ZFHX3: variants seen among roughly 807,000 people sequenced by gnomAD.
The protein encoded by ZFHX3 is zinc finger homeobox 3, also known as zinc finger homeobox protein 3.
A neutral mutation model predicts 279.1 loss-of-function variants in ZFHX3; 42 were observed. The observed-to-expected ratio is 0.15, with a 90% CI of 0.12 to 0.19. The LOEUF (loss-of-function observed/expected upper bound fraction) is 0.19. ZFHX3 is among the 10% of genes least tolerant of loss of function. The pLI, the probability that ZFHX3 is intolerant of heterozygous loss-of-function variation, is 1.00. For synonymous variants in ZFHX3, 2,293 were observed against 1,957.8 expected (o/e 1.17, Z -4.52); for missense variants, 4,981 against 4,754.0 (o/e 1.05, Z -1.40).
intron 3 of ZFHX3, among the ~76,000 whole-genome samples, chr16:72,908,793 A>G (rs1209290659): frequency 6.6e-6 from 1 of 152,226 alleles, no homozygotes; most frequent in Non-Finnish European, 1.5e-5. Context: ...CATCATGAGG[A>G]ACGATGATGA....
At chr16:73,235,025 C>T (rs953355226) in intron 5 of ZFHX3, among the ~76,000 whole-genome samples, 1 of 152,150 alleles carries the variant, frequency 6.6e-6, no homozygotes, top group African/African-American at 2.4e-5. Flanking sequence ...GGCATATTAG[C>T]CCCAGTATTT....
At chr16:73,806,695 T>G (rs1960285672) in intron 1 of ZFHX3, among the ~76,000 whole-genome samples, 1 of 152,228 alleles carries the variant, frequency 6.6e-6, no homozygotes, top group Admixed American at 6.5e-5. Flanking sequence ...GCTTCCTCAT[T>G]GCTTGCCCTT....
intron 1 of ZFHX3, among the ~76,000 whole-genome samples, chr16:73,868,608 T>C (rs1336434033): frequency 2.6e-5 from 4 of 152,222 alleles, no homozygotes; most frequent in Non-Finnish European, 5.9e-5. Context: ...GAAAGTTGTA[T>C]GCTGTGCATT....
In ZFHX3 at chr16:73,870,415, C is replaced by T. The variant is rs368373850; in HGVS notation, c.-1608+21236G>A. Among the ~76,000 whole-genome samples, 103 of 152,178 alleles carry T rather than the reference C, an allele frequency of 6.8e-4. 1 individual carries two copies. Among genetic ancestry groups the T allele is most frequent in the African/African-American group, 2.4e-3 (99 of 41,504 alleles). On this transcript the variant is annotated intron_variant, in intron 1 of 17. Transcript: ENST00000641206. Reference sequence around the variant, plus strand: ...TCTGTTCAGTCCTACGGAGGAGAGACAAGACTCAAGGAGAGAGAAACCAAA... The same window carrying T: ...TCTGTTCAGTCCTACGGAGGAGAGATAAGACTCAAGGAGAGAGAAACCAAA...
At chr16:72,820,272 G>T (rs2036749727) in intron 5 of ZFHX3, among the ~76,000 whole-genome samples, 1 of 152,186 alleles carries the variant, frequency 6.6e-6, no homozygotes, top group Non-Finnish European at 1.5e-5. Flanking sequence ...GAGAAAAATA[G>T]TGCTAAGCCC....
intron 3 of ZFHX3, among the ~76,000 whole-genome samples, chr16:73,451,862 T>C (rs1419492418): frequency 2.6e-5 from 4 of 152,238 alleles, no homozygotes; most frequent in African/African-American, 4.8e-5. Context: ...TTCCATGTGA[T>C]AAACACAACA....
chr16:73,006,842 C>T (rs1963721967), intron 1 of ZFHX3, among the ~76,000 whole-genome samples: 1 of 152,124 alleles, frequency 6.6e-6, no homozygotes, highest in Non-Finnish European at 1.5e-5. Flanking sequence ...CTCCTGTATA[C>T]TTTAAATCAT....
chr16:73,778,585 T>C (rs1959344253), intron 1 of ZFHX3, among the ~76,000 whole-genome samples: 1 of 152,202 alleles, frequency 6.6e-6, no homozygotes, highest in East Asian at 1.9e-4. Flanking sequence ...AAAATCCTAA[T>C]AGGTGAGACC....
chr16:73,156,265 G>C (rs1967082443), intron 5 of ZFHX3, among the ~76,000 whole-genome samples: 3 of 147,706 alleles, frequency 2.0e-5, no homozygotes, highest in Non-Finnish European at 4.5e-5. Flanking sequence ...TATATATAAA[G>C]TGTTCTTTTC....
At chr16:72,878,602 T>G (rs1452732326) in intron 4 of ZFHX3, among the ~76,000 whole-genome samples, 12 of 152,246 alleles carry the variant, frequency 7.9e-5, no homozygotes, top group Non-Finnish European at 1.8e-4. Flanking sequence ...CACCGCAGTC[T>G]TAGGATTTCT....
chr16:72,881,160 G>C (rs1039323143), intron 4 of ZFHX3, among the ~76,000 whole-genome samples: 5 of 152,214 alleles, frequency 3.3e-5, no homozygotes, highest in African/African-American at 1.2e-4. Flanking sequence ...AACTGCTCTA[G>C]AAATCTGTAT....
intron 3 of ZFHX3, among the ~76,000 whole-genome samples, chr16:73,424,038 A>T (rs1323503492): frequency 2.6e-5 from 4 of 152,126 alleles, no homozygotes; most frequent in Admixed American, 2.6e-4. Context: ...AAATGGAAAA[A>T]TTTCTTGGTG....
chr16:73,323,063 T>C (rs2143202762), intron 3 of ZFHX3, among the ~76,000 whole-genome samples: 1 of 152,316 alleles, frequency 6.6e-6, no homozygotes, highest in South Asian at 2.1e-4. Context: ...ATTTACTCTC[T>C]GGCCTTTTAC....
At chr16:72,825,124 G>C (rs896510473) in intron 5 of ZFHX3, among the ~76,000 whole-genome samples, 5 of 152,224 alleles carry the variant, frequency 3.3e-5, no homozygotes, top group Non-Finnish European at 7.3e-5. Flanking sequence ...TACCTGAGCC[G>C]AAAGAGGCCA....
At chr16:73,644,053 A>C (rs1366249954) in intron 2 of ZFHX3, among the ~76,000 whole-genome samples, 1 of 152,116 alleles carries the variant, frequency 6.6e-6, no homozygotes, top group African/African-American at 2.4e-5. Flanking sequence ...ATCTTTCTGC[A>C]GGATGGACCA....
intron 3 of ZFHX3, among the ~76,000 whole-genome samples, chr16:73,408,940 CA>C (rs1180074123): frequency 1.3e-5 from 2 of 151,528 alleles, no homozygotes; most frequent in Admixed American, 6.6e-5. Context: ...CCCACCCCGC[CA>C]AAAAAAATGT....
chr16:72,957,922 T>C lies in ZFHX3; in HGVS notation c.2224A>G (p.Ser742Gly). The C allele has an allele frequency of 6.2e-7, 1 of 1,614,206 alleles. No homozygotes were observed. The highest frequency in any genetic ancestry group is 8.5e-7 in the Non-Finnish European group (1 of 1,180,034). Residue 742 changes from serine (S) to glycine (G), a missense_variant, in exon 2 of 10, where the codon AGT (serine) becomes GGT (glycine). Physicochemically the swap from Ser to Gly is moderately conservative, Grantham distance 56. This residue lies in a region of ZFHX3 where 39 missense variants were observed against 68.2 expected (regional missense o/e 0.57). Coordinates refer to ENST00000268489, the MANE Select transcript of ZFHX3 (RefSeq NM_006885.4). ...NYSTTTKGNL[S>G]IHMQSDKHLN... ...TGCTTGTCAGACTGCATATGAATAC[T>C]GAGGTTGCCTTTGGTAGTTGTGGAG... is the stretch of plus-strand genomic sequence containing the variant.
At chr16:73,445,332 G>C (rs533440688) in intron 3 of ZFHX3, among the ~76,000 whole-genome samples, 18 of 151,576 alleles carry the variant, frequency 1.2e-4, no homozygotes, top group African/African-American at 4.1e-4. Context: ...ATGGGGGGGA[G>C]AGAGAGAGAG....
intron 1 of ZFHX3, among the ~76,000 whole-genome samples, chr16:73,880,642 C>G (rs2030115534): frequency 6.6e-6 from 1 of 152,138 alleles, no homozygotes; most frequent in Non-Finnish European, 1.5e-5. Context: ...ATGCTTCTAT[C>G]TAAGAGTAAA....
Sources: allele counts gnomAD v4.1 joint callset (sites outside exome capture counted in the v4.1 genomes callset), GRCh38; gene constraint gnomAD v4.1.1; regional missense constraint gnomAD v4.1.1; transcripts MANE v1.5; gene names NCBI Gene and HGNC (gene_info 2026-07-23, HGNC 2026-07-21).